The following MET variants were observed in gnomAD, a reference collection of about 807,000 sequenced individuals.
The protein encoded by MET is hepatocyte growth factor receptor.
A neutral mutation model predicts 133.1 loss-of-function variants in MET; 48 were observed. That is an observed-to-expected ratio of 0.36 (90% CI 0.29 to 0.46). The LOEUF (loss-of-function observed/expected upper bound fraction) is 0.46, where lower values mean the gene tolerates loss of function less well. Ranked by LOEUF, MET falls within the 20% of genes least tolerant of loss-of-function variation. The pLI is 1.00. For synonymous variants in MET, 628 were observed against 616.5 expected (o/e 1.02, Z -0.28); for missense variants, 1,442 against 1,695.9 (o/e 0.85, Z 2.63).
chr7:116,752,952 G>C (rs1443288289), intron 5 of MET, among the ~76,000 whole-genome samples: 2 of 152,160 alleles, frequency 1.3e-5, no homozygotes, highest in African/African-American at 4.8e-5. Flanking sequence ...TGGATGTCTT[G>C]TTCTCTCCTA....
At chr7:116,765,980 T>C (rs1012862828) in intron 11 of MET, among the ~76,000 whole-genome samples, 5 of 152,240 alleles carry the variant, frequency 3.3e-5, no homozygotes, top group African/African-American at 1.2e-4. Context: ...GTATTTCTTA[T>C]ATTAACTCTC....
At chr7:116,737,927 G>C (rs1196837257) in intron 3 of MET, among the ~76,000 whole-genome samples, 1 of 152,166 alleles carries the variant, frequency 6.6e-6, no homozygotes, top group Non-Finnish European at 1.5e-5. Context: ...AAAAGAGCAA[G>C]AAGGTAGGAG....
chr7:116,745,625 A>G (rs1290808051), intron 5 of MET, among the ~76,000 whole-genome samples: 1 of 152,154 alleles, frequency 6.6e-6, no homozygotes, highest in East Asian at 1.9e-4. Context: ...AAATAATACC[A>G]CACATCTACA....
At chr7:116,754,983 GGAAAGAAAGAAAGAAAGAAA>G (rs10674901) in intron 5 of MET, among the ~76,000 whole-genome samples, 10 of 78,632 alleles carry the variant, frequency 1.3e-4, no homozygotes, top group Non-Finnish European at 1.8e-4. Flanking sequence ...AGCAGAGAAA[GGAAAGAAAGAAAGAAAGAAA>G]GAAAGAAAGA....
intron 11 of MET, among the ~76,000 whole-genome samples, chr7:116,766,370 T>G (rs1794629249): frequency 6.6e-6 from 1 of 152,154 alleles, no homozygotes. Context: ...GAGCGGGGAC[T>G]TGGTCTATGA....
At chr7:116,781,243 T>A (rs183871547) in intron 17 of MET, among the ~76,000 whole-genome samples, 190 of 152,200 alleles carry the variant, frequency 1.2e-3, no homozygotes, top group African/African-American at 4.4e-3. Context: ...TTTTCCCCTC[T>A]CTCTCTCTGC....
At chr7:116,701,975 A>G (rs774901623) in intron 2 of MET, among the ~76,000 whole-genome samples, 5 of 152,300 alleles carry the variant, frequency 3.3e-5, no homozygotes, top group Admixed American at 6.5e-5. Flanking sequence ...TCATAAAGGT[A>G]TATTGATATC....
chr7:116,727,513 T>C (rs1792841089), intron 2 of MET, among the ~76,000 whole-genome samples: 1 of 152,200 alleles, frequency 6.6e-6, no homozygotes, highest in Non-Finnish European at 1.5e-5. Flanking sequence ...CCTCCCTTTG[T>C]TACCATAGGA....
intron 1 of MET, among the ~76,000 whole-genome samples, chr7:116,678,466 C>T (rs1241342716): frequency 1.3e-5 from 2 of 151,920 alleles, no homozygotes; most frequent in Non-Finnish European, 2.9e-5. Flanking sequence ...TGGGGAATAA[C>T]TGTTTGATAA....
chr7:116,796,156 C>T lies in MET; in HGVS notation c.*32C>T, dbSNP rs750811600. The T allele has an allele frequency of 6.9e-6, 11 of 1,596,936 alleles. No homozygotes were observed. Among genetic ancestry groups the T allele is most frequent in the Middle Eastern group, 1.7e-4 (1 of 6,030 alleles). ...TACTATGTCAAAGCAACAGTCCACACTTTGTCCAATGGTTTTTTCACTGCC... is the reference window on the plus strand; with the variant it reads ...TACTATGTCAAAGCAACAGTCCACATTTTGTCCAATGGTTTTTTCACTGCC... On this transcript the variant is annotated 3_prime_UTR_variant, in exon 21 of 21. Transcript: ENST00000397752.
At chr7:116,754,944 A>AAAGG (rs1562919610) in intron 5 of MET, among the ~76,000 whole-genome samples, 1 of 146,486 alleles carries the variant, frequency 6.8e-6, no homozygotes, top group Non-Finnish European at 1.5e-5. Flanking sequence ...AGAAAGAAAG[A>AAAGG]AAGAAAGAGA....
At chr7:116,704,437 A>C (rs1212524160) in intron 2 of MET, among the ~76,000 whole-genome samples, 1 of 152,114 alleles carries the variant, frequency 6.6e-6, no homozygotes, top group African/African-American at 2.4e-5. Context: ...AAAGGTCCCA[A>C]CTTGGTCCTT....
chr7:116,792,117 G>A (rs1327479611), intron 19 of MET, among the ~76,000 whole-genome samples: 1 of 151,812 alleles, frequency 6.6e-6, no homozygotes, highest in African/African-American at 2.4e-5. Context: ...TGGTGTTGAT[G>A]TTGTATCTCC....
intron 13 of MET, 39 bp from the exon 14 acceptor site, chr7:116,771,810 G>A (rs1794843490): frequency 8.7e-6 from 14 of 1,613,332 alleles, no homozygotes; most frequent in Non-Finnish European, 1.1e-5. Context: ...GCCCATGATA[G>A]CCGTCTTTAA....
chr7:116,795,249 C>G (rs1359366276), intron 19 of MET, among the ~76,000 whole-genome samples: 1 of 152,058 alleles, frequency 6.6e-6, no homozygotes, highest in Non-Finnish European at 1.5e-5. Context: ...CAGTTTGAAA[C>G]CACACAAATT....
chr7:116,685,493 C>A (rs1162527833), intron 1 of MET, among the ~76,000 whole-genome samples: 1 of 151,990 alleles, frequency 6.6e-6, no homozygotes, highest in African/African-American at 2.4e-5. Flanking sequence ...CAAGACCAGC[C>A]TGGCCAACAT....
At position 116,791,944 on chromosome 7, in the gene MET, G is replaced by A. The variant is rs186178894; in HGVS notation, c.3799-3711G>A. ...GCTGGGATCACAGGCATGAGCCACC[G>A]GTGACACTTGGCCCACAAATGCATT... On this transcript the variant is annotated intron_variant, in intron 19 of 20. Coordinates refer to ENST00000397752, the MANE Select transcript of MET (RefSeq NM_000245.4). Among the ~76,000 whole-genome samples the A allele has an allele frequency of 1.8e-3, 272 of 152,198 alleles. 2 individuals are homozygous for A. Among genetic ancestry groups the A allele is most frequent in the African/African-American group, 5.3e-3 (222 of 41,536 alleles).
At chr7:116,775,273 T>A (rs1469799175) in intron 15 of MET, among the ~76,000 whole-genome samples, 162 bp downstream of exon 15, 1 of 152,216 alleles carries the variant, frequency 6.6e-6, no homozygotes, top group Non-Finnish European at 1.5e-5. Context: ...GCCCTGTAAA[T>A]CATATCCGTG....
At chr7:116,750,281 A>G (rs950412565) in intron 5 of MET, among the ~76,000 whole-genome samples, 2 of 152,222 alleles carry the variant, frequency 1.3e-5, no homozygotes, top group Non-Finnish European at 2.9e-5. Context: ...AACACCACGC[A>G]TTTACAACCA....
Sources: gnomAD v4.1 joint callset for allele counts (sites outside exome capture counted in the v4.1 genomes callset) on GRCh38, gnomAD v4.1.1 for gene constraint, MANE v1.5 for transcripts, NCBI Gene and HGNC (gene_info 2026-07-23, HGNC 2026-07-21) for gene names.